The following NRXN3 variants were observed in gnomAD, a reference collection of about 807,000 sequenced individuals.
The protein encoded by NRXN3 is neurexin III.
A neutral mutation model predicts 137.6 loss-of-function variants in NRXN3; 32 were observed. The observed-to-expected ratio is 0.23, with a 90% CI of 0.18 to 0.31. The LOEUF (loss-of-function observed/expected upper bound fraction) is 0.31. Among genes scored for constraint, NRXN3 ranks in the 10% least tolerant of loss-of-function variants. The probability of loss-of-function intolerance (pLI) is 1.00; values close to 1 mark genes in which losing one functional copy is unlikely to be tolerated. For missense variants in NRXN3, 1,574 were observed against 2,062.5 expected (o/e 0.76, Z 4.59); for synonymous variants, 798 against 784.5 (o/e 1.02, Z -0.29).
At chr14:78,863,311 A>G (rs2099077873) in intron 10 of NRXN3, among the ~76,000 whole-genome samples, 1 of 152,200 alleles carries the variant, frequency 6.6e-6, no homozygotes. Context: ...GCCTACGTTT[A>G]GAGGTTTATC....
At chr14:78,531,552 G>A (rs531151816) in intron 4 of NRXN3, among the ~76,000 whole-genome samples, 2 of 152,306 alleles carry the variant, frequency 1.3e-5, no homozygotes, top group South Asian at 4.1e-4. Flanking sequence ...AAGGGCTCAT[G>A]ATAGAGCTCA....
chr14:78,953,069 A>G (rs2099390128), intron 10 of NRXN3, among the ~76,000 whole-genome samples: 1 of 152,248 alleles, frequency 6.6e-6, no homozygotes, highest in South Asian at 2.1e-4. Context: ...TGGGGGGAAT[A>G]AGAAATTCAT....
chr14:79,803,957 A>ATATGTGTGTG, intron 19 of NRXN3, among the ~76,000 whole-genome samples: 5 of 146,776 alleles, frequency 3.4e-5, no homozygotes, highest in Non-Finnish European at 7.5e-5. Flanking sequence ...ATATATATAT[A>ATATGTGTGTG]CATATATATG....
At chr14:79,510,553 C>A (rs1187329513) in intron 16 of NRXN3, among the ~76,000 whole-genome samples, 1 of 152,142 alleles carries the variant, frequency 6.6e-6, no homozygotes, top group East Asian at 1.9e-4. Flanking sequence ...GATAGGAAGA[C>A]AGATGTGGCC....
chr14:79,530,483 A>T (rs1224863358), intron 16 of NRXN3, among the ~76,000 whole-genome samples: 1 of 152,084 alleles, frequency 6.6e-6, no homozygotes, highest in Non-Finnish European at 1.5e-5. Flanking sequence ...CCGGACAAAG[A>T]TGGAGAAGGA....
chr14:78,423,174 T>TA (rs80262122), intron 4 of NRXN3, among the ~76,000 whole-genome samples: 18,232 of 152,040 alleles, frequency 0.12, 1,648 homozygotes, highest in East Asian at 0.37. Context: ...TGTTGCTCAG[T>TA]AAAAATGCAG....
chr14:78,992,343 G>A (rs1218994089), intron 15 of NRXN3, among the ~76,000 whole-genome samples: 1 of 152,154 alleles, frequency 6.6e-6, no homozygotes, highest in African/African-American at 2.4e-5. Context: ...TATTCAGAGG[G>A]TGAGCACCAC....
chr14:79,794,635 A>T (rs1326710578), intron 19 of NRXN3, among the ~76,000 whole-genome samples: 2 of 152,198 alleles, frequency 1.3e-5, no homozygotes, highest in Non-Finnish European at 1.5e-5. Context: ...TATTATACAG[A>T]GGACACGATA....
intron 10 of NRXN3, among the ~76,000 whole-genome samples, chr14:78,873,553 C>A (rs1179909087): frequency 1.3e-5 from 2 of 152,142 alleles, no homozygotes; most frequent in Admixed American, 1.3e-4. Context: ...ATGGGAATGG[C>A]AAGAAACATC....
chr14:79,814,752 G>A (rs2099246533), intron 20 of NRXN3, among the ~76,000 whole-genome samples: 1 of 152,138 alleles, frequency 6.6e-6, no homozygotes, highest in African/African-American at 2.4e-5. Context: ...TGTTAGTGAG[G>A]GAGCATCATT....
At chr14:79,017,350 A>G (rs941897336) in intron 15 of NRXN3, among the ~76,000 whole-genome samples, 3 of 151,470 alleles carry the variant, frequency 2.0e-5, no homozygotes, top group African/African-American at 7.3e-5. Context: ...TTCACTTAGA[A>G]AGACTCATCC....
chr14:78,282,223 G>A (rs1386630975), intron 3 of NRXN3: 1 of 463,668 alleles, frequency 2.2e-6, no homozygotes, highest in Non-Finnish European at 4.4e-6. Flanking sequence ...GGCAGAGGTG[G>A]GCATCTCTGC....
intron 16 of NRXN3, among the ~76,000 whole-genome samples, chr14:79,636,376 A>G (rs914576615): frequency 6.6e-6 from 1 of 152,138 alleles, no homozygotes; most frequent in Non-Finnish European, 1.5e-5. Context: ...TGACACACAG[A>G]CTGTGAGTTC....
intron 15 of NRXN3, among the ~76,000 whole-genome samples, chr14:79,362,314 C>A (rs1008115579): frequency 6.6e-6 from 1 of 151,458 alleles, no homozygotes; most frequent in Non-Finnish European, 1.5e-5. Flanking sequence ...CCCACCCCAC[C>A]ACAGGCCCCA....
chr14:79,095,197 A>C (rs1010283030), intron 15 of NRXN3, among the ~76,000 whole-genome samples: 3 of 152,124 alleles, frequency 2.0e-5, no homozygotes, highest in African/African-American at 7.2e-5. Flanking sequence ...TTTTCTCCCT[A>C]ATGGTAGCAG....
intron 15 of NRXN3, among the ~76,000 whole-genome samples, chr14:79,183,666 T>C (rs1356473449): frequency 6.6e-6 from 1 of 152,266 alleles, no homozygotes; most frequent in Non-Finnish European, 1.5e-5. Context: ...TCTGTTTCCT[T>C]GTCTGCACTG....
intron 4 of NRXN3, among the ~76,000 whole-genome samples, chr14:78,479,823 G>T (rs2095442448): frequency 6.6e-6 from 1 of 152,072 alleles, no homozygotes. Flanking sequence ...ATTGCATTAG[G>T]TACCCTGAGG....
intron 11 of NRXN3, 124 bp from the exon 12 acceptor site, chr14:78,965,901 T>C: frequency 1.8e-6 from 2 of 1,133,864 alleles, no homozygotes; most frequent in East Asian, 2.4e-5. Context: ...TTGGTTTTCT[T>C]GAACTCACCC....
At chr14:78,606,324 A>G (rs1372966548) in intron 4 of NRXN3, among the ~76,000 whole-genome samples, 1 of 152,154 alleles carries the variant, frequency 6.6e-6, no homozygotes, top group African/African-American at 2.4e-5. Context: ...CATTTTTTTT[A>G]GTCAGGAAAT....
Sources: allele counts gnomAD v4.1 joint callset (sites outside exome capture counted in the v4.1 genomes callset), GRCh38; gene constraint gnomAD v4.1.1; transcripts MANE v1.5; gene names NCBI Gene and HGNC (gene_info 2026-07-23, HGNC 2026-07-21).